RIN2: variants seen among roughly 807,000 people sequenced by gnomAD.
RIN2 encodes the protein Ras and Rab interactor 2.
In RIN2, 36 loss-of-function variants were observed where a neutral mutation model predicts 78.0. The observed-to-expected ratio is 0.46, with a 90% CI of 0.35 to 0.61. The LOEUF is 0.61. Ranked by LOEUF, RIN2 falls within the 20% of genes least tolerant of loss-of-function variation. The probability of loss-of-function intolerance (pLI) is 0.00; values close to 1 mark genes in which losing one functional copy is unlikely to be tolerated. For synonymous variants in RIN2, 466 were observed against 466.8 expected (o/e 1.00, Z 0.02); for missense variants, 1,087 against 1,159.7 (o/e 0.94, Z 0.91).
intron 5 of RIN2, among the ~76,000 whole-genome samples, chr20:19,958,436 T>G (rs1013405628): frequency 1.3e-5 from 2 of 152,276 alleles, no homozygotes; most frequent in African/African-American, 4.8e-5. Context: ...CCACTCTTGC[T>G]GAAACCTGCA....
chr20:19,904,907 A>G (rs1018510068), intron 3 of RIN2, among the ~76,000 whole-genome samples: 10 of 152,196 alleles, frequency 6.6e-5, no homozygotes, highest in Admixed American at 4.6e-4. Context: ...AAATCTTGAC[A>G]TTGAGTTGCT....
At chr20:19,852,532 C>T (rs1469066073) in intron 2 of RIN2, among the ~76,000 whole-genome samples, 1 of 152,140 alleles carries the variant, frequency 6.6e-6, no homozygotes, top group East Asian at 1.9e-4. Context: ...GTTGGGCGAT[C>T]CTAAAGGCTT....
intron 2 of RIN2, among the ~76,000 whole-genome samples, chr20:19,858,273 CA>C (rs1475008057): frequency 1.3e-5 from 2 of 152,138 alleles, no homozygotes; most frequent in Admixed American, 1.3e-4. Flanking sequence ...GGAATCAGGT[CA>C]GGCTACATCT....
chr20:20,000,846 C>G lies in RIN2; in HGVS notation c.2598C>G (p.Pro866=), dbSNP rs2043122268. 1 of 1,613,984 alleles carries G rather than the reference C, an allele frequency of 6.2e-7. No individual in the cohort carries two copies. Among genetic ancestry groups the G allele is most frequent in the African/African-American group, 1.3e-5 (1 of 75,050 alleles). ...CGGAGCTGCACAGCCGACCACAGCCCCACATCTTCCACTTTGTCTACAAAC... is the reference window on the plus strand; with the variant it reads ...CGGAGCTGCACAGCCGACCACAGCCGCACATCTTCCACTTTGTCTACAAAC... The part of the protein sequence containing the change: ...IKAELHSRPQ[P]HIFHFVYKRI... Residue 866 remains proline, a synonymous_variant, in exon 13 of 13, where the codon CCC becomes CCG. Coordinates refer to ENST00000255006, the MANE Select transcript of RIN2 (RefSeq NM_018993.4).
intron 2 of RIN2, among the ~76,000 whole-genome samples, chr20:19,820,449 G>T (rs1399903780): frequency 6.6e-6 from 1 of 152,084 alleles, no homozygotes; most frequent in Non-Finnish European, 1.5e-5. Flanking sequence ...TCAAAACACA[G>T]ACAAAAAATA....
chr20:19,759,695 T>G (rs2033553614), intron 1 of RIN2, among the ~76,000 whole-genome samples: 1 of 152,046 alleles, frequency 6.6e-6, no homozygotes. Flanking sequence ...TGAAACCCCA[T>G]CTCTACTAAA....
At chr20:19,983,565 A>G (rs1601041810) in intron 9 of RIN2, among the ~76,000 whole-genome samples, 1 of 152,178 alleles carries the variant, frequency 6.6e-6, no homozygotes, top group East Asian at 1.9e-4. Flanking sequence ...ATATCTTGTT[A>G]TCAAACATTA....
intron 2 of RIN2, among the ~76,000 whole-genome samples, chr20:19,830,296 G>C (rs1478123783): frequency 6.6e-6 from 1 of 152,112 alleles, no homozygotes; most frequent in Non-Finnish European, 1.5e-5. Context: ...AGCCAAGCTA[G>C]CTTTTCATTA....
At chr20:19,807,012 T>C (rs2035431679) in intron 2 of RIN2, among the ~76,000 whole-genome samples, 1 of 152,246 alleles carries the variant, frequency 6.6e-6, no homozygotes, top group African/African-American at 2.4e-5. Flanking sequence ...TAGGCTTGGC[T>C]TCCCACTGAT....
At chr20:19,817,892 T>C (rs2035811341) in intron 2 of RIN2, among the ~76,000 whole-genome samples, 1 of 152,236 alleles carries the variant, frequency 6.6e-6, no homozygotes. Context: ...TCATTCATCA[T>C]TCAATATCAA....
intron 4 of RIN2, among the ~76,000 whole-genome samples, chr20:19,955,066 AC>A (rs2146227635): frequency 6.6e-6 from 1 of 152,116 alleles, no homozygotes; most frequent in African/African-American, 2.4e-5. Context: ...CATTTCCATC[AC>A]CCTGGAAAGA....
intron 2 of RIN2, chr20:19,872,157 C>T (rs773752489): frequency 6.6e-6 from 1 of 152,096 alleles, no homozygotes; most frequent in African/African-American, 2.4e-5. Flanking sequence ...TCCTTTTTCA[C>T]TCGTCTCTCT....
rs553607464 is a variant in RIN2 at position 19,822,340 on chromosome 20, A to G, written c.-37+22593A>G. ...TGTGTTTTCTCAGAGCTTATAAATG[A>G]AGTTAGTATAGATGAATCCAAAGAA... On this transcript the variant is annotated intron_variant, in intron 2 of 12. Transcript: ENST00000255006. Among the ~76,000 whole-genome samples the G allele has an allele frequency of 2.0e-5, 3 of 152,256 alleles. No homozygotes were observed. In the East Asian group the frequency reaches 5.8e-4, roughly 29 times the overall value.
chr20:19,979,919 C>A (rs1294321296), intron 9 of RIN2, among the ~76,000 whole-genome samples: 1 of 151,702 alleles, frequency 6.6e-6, no homozygotes, highest in Non-Finnish European at 1.5e-5. Flanking sequence ...ATGGTGGATG[C>A]CTGTAATCCC....
intron 2 of RIN2, among the ~76,000 whole-genome samples, chr20:19,843,299 A>G (rs2036637410): frequency 6.6e-6 from 1 of 152,230 alleles, no homozygotes; most frequent in Non-Finnish European, 1.5e-5. Context: ...ACTGTGGGTA[A>G]AATGCTATCA....
At chr20:19,860,595 T>G (rs113007936) in intron 2 of RIN2, among the ~76,000 whole-genome samples, 3 of 152,324 alleles carry the variant, frequency 2.0e-5, no homozygotes, top group African/African-American at 7.2e-5. Flanking sequence ...AGTACTGGGA[T>G]TACAGGCATG....
At chr20:19,997,184 G>A (rs1224699401) in intron 12 of RIN2, among the ~76,000 whole-genome samples, 1 of 152,212 alleles carries the variant, frequency 6.6e-6, no homozygotes, top group Non-Finnish European at 1.5e-5. Flanking sequence ...GTTACGCGAT[G>A]CAATTGGCCT....
At chr20:19,857,346 T>G (rs1383336611) in intron 2 of RIN2, among the ~76,000 whole-genome samples, 1 of 152,206 alleles carries the variant, frequency 6.6e-6, no homozygotes, top group Non-Finnish European at 1.5e-5. Context: ...ATCCATTGTA[T>G]GAATAATACA....
chr20:19,957,621 G>A (rs966696868), intron 5 of RIN2, among the ~76,000 whole-genome samples: 16 of 152,142 alleles, frequency 1.1e-4, no homozygotes, highest in African/African-American at 2.9e-4. Flanking sequence ...AGGTTGCCAT[G>A]AGCAGAGATT....
Sources: gnomAD v4.1 joint callset for allele counts (sites outside exome capture counted in the v4.1 genomes callset) on GRCh38, gnomAD v4.1.1 for gene constraint, MANE v1.5 for transcripts, NCBI Gene and HGNC (gene_info 2026-07-23, HGNC 2026-07-21) for gene names.